The following C12orf60 variants were observed in gnomAD, a reference collection of about 807,000 sequenced individuals.
C12orf60 encodes the protein uncharacterized protein C12orf60.
For missense variants in C12orf60, 284 were observed against 283.2 expected (o/e 1.00, Z -0.02); for synonymous variants, 102 against 94.6 (o/e 1.08, Z -0.45).
intron 1 of C12orf60, among the ~76,000 whole-genome samples, chr12:14,819,313 T>C (rs1431502557): frequency 6.6e-6 from 1 of 152,178 alleles, no homozygotes; most frequent in African/African-American, 2.4e-5. Flanking sequence ...AAATGATACT[T>C]ATACAAATGA....
chr12:14,814,872 C>T (rs942060992), intron 1 of C12orf60, among the ~76,000 whole-genome samples: 9 of 152,180 alleles, frequency 5.9e-5, no homozygotes, highest in Non-Finnish European at 4.4e-5. Context: ...TAGTGAAAGA[C>T]AGCAGGCTTT....
At chr12:14,816,356 G>C (rs766718797) in intron 1 of C12orf60, among the ~76,000 whole-genome samples, 26 of 151,590 alleles carry the variant, frequency 1.7e-4, no homozygotes, top group Non-Finnish European at 3.4e-4. Flanking sequence ...TAAAATCTCT[G>C]CTCAAAAACC....
chr12:14,814,770 T>C (rs1950191471), intron 1 of C12orf60, among the ~76,000 whole-genome samples: 1 of 152,210 alleles, frequency 6.6e-6, no homozygotes, highest in Non-Finnish European at 1.5e-5. Context: ...TCTTCCCTGC[T>C]GCTTCTTCCC....
intron 1 of C12orf60, chr12:14,804,731 G>A (rs1950021639): frequency 6.6e-6 from 1 of 152,104 alleles, no homozygotes; most frequent in Non-Finnish European, 1.5e-5. Context: ...TTTGCAACTC[G>A]TTTTGAAAAA....
rs767087930 is a variant in C12orf60 at position 14,806,393 on chromosome 12, A to G, written c.-25+2642A>G. 48 of 1,614,082 alleles carry G rather than the reference A, an allele frequency of 3.0e-5. No homozygotes were observed. The South Asian group carries it at 3.7e-4, about 13-fold the overall frequency. On this transcript the variant is annotated intron_variant, in intron 1 of 1. Coordinates refer to ENST00000330828, the MANE Select transcript of C12orf60 (RefSeq NM_175874.4). ...TTTCCTTAATATCCTGAAGTTTTCT[A>G]TAGAGGGTTGGCTCTAGCTTATCTT...
intron 1 of C12orf60, chr12:14,806,046 G>T: frequency 1.2e-6 from 2 of 1,614,046 alleles, no homozygotes; most frequent in Non-Finnish European, 1.7e-6. Flanking sequence ...CTCAGTAATG[G>T]CATGATTATA....
At chr12:14,809,465 A>G (rs1349816194) in intron 1 of C12orf60, among the ~76,000 whole-genome samples, 2 of 152,220 alleles carry the variant, frequency 1.3e-5, no homozygotes, top group African/African-American at 4.8e-5. Context: ...TCAGTGAATT[A>G]ATGGAACAAA....
intron 1 of C12orf60, among the ~76,000 whole-genome samples, chr12:14,814,976 GTAATATGAGTATTAGTTAA>G (rs1216444039): frequency 1.3e-5 from 2 of 152,212 alleles, no homozygotes; most frequent in African/African-American, 4.8e-5. Flanking sequence ...TCCCATTGGT[GTAATATGAGTATTAGTTAA>G]TAATTTATGG....
chr12:14,805,049 G>C (rs1950027115), intron 1 of C12orf60: 2 of 152,178 alleles, frequency 1.3e-5, no homozygotes, highest in Non-Finnish European at 1.5e-5. Flanking sequence ...AGCCTTTGGC[G>C]TTTTCTAAAA....
chr12:14,819,296 G>A (rs1565422207), intron 1 of C12orf60, among the ~76,000 whole-genome samples: 5 of 152,030 alleles, frequency 3.3e-5, no homozygotes, highest in Admixed American at 2.6e-4. Flanking sequence ...TATTGAGAGA[G>A]TATTATAAAT....
At position 14,803,755 on chromosome 12, in the gene C12orf60, C is replaced by A; in HGVS notation, c.-25+4C>A. On this transcript the variant is annotated splice_donor_region_variant and intron_variant, in intron 1 of 1. Coordinates refer to ENST00000330828, the MANE Select transcript of C12orf60 (RefSeq NM_175874.4). ...TGACTTAGTTGCTGGGAGCCTGGTA[C>A]GTTGAGCCGTCCGAGAACGGTACAT... 2.8e-6 allele frequency: 1 copy of A among 355,964 alleles called. No homozygotes were observed. The highest frequency in any genetic ancestry group is 5.0e-6 in the Non-Finnish European group (1 of 199,608). The allele number at this position is 355,964 out of a possible 1,614,324, so 22.1% of individuals were successfully genotyped here. A position where few individuals can be genotyped will look rare whatever the true frequency, so the allele number is the denominator to read the frequency against.
intron 1 of C12orf60, among the ~76,000 whole-genome samples, chr12:14,820,437 T>C (rs543068997): frequency 1.9e-4 from 29 of 152,190 alleles, no homozygotes; most frequent in African/African-American, 7.0e-4. Context: ...GTTAAAATTA[T>C]TCATTTTATA....
intron 1 of C12orf60, among the ~76,000 whole-genome samples, chr12:14,811,006 A>G (rs1188308278): frequency 6.6e-6 from 1 of 152,208 alleles, no homozygotes; most frequent in East Asian, 1.9e-4. Context: ...TCTCCATCTT[A>G]TTCCATTTTC....
At chr12:14,810,842 C>T (rs1950125093) in intron 1 of C12orf60, among the ~76,000 whole-genome samples, 2 of 152,128 alleles carry the variant, frequency 1.3e-5, no homozygotes, top group Non-Finnish European at 2.9e-5. Flanking sequence ...TTCTGACTCC[C>T]AAAGTGATTA....
rs376169076 is a variant in C12orf60 at position 14,816,889 on chromosome 12, C to T, written c.-24-6023C>T. ...CCTCCCGAGTAGCTGGGATTACAGG[C>T]GTGTGCCACACCCAGCTAATTTTTG... On this transcript the variant is annotated intron_variant, in intron 1 of 1. Coordinates refer to ENST00000330828, the MANE Select transcript of C12orf60 (RefSeq NM_175874.4). 2.9e-3 allele frequency among the ~76,000 whole-genome samples: 446 copies of T among 152,014 alleles called. 3 individuals are homozygous for T. The highest frequency in any genetic ancestry group is 0.01 in the African/African-American group (435 of 41,458).
At chr12:14,812,182 C>T (rs1950150027) in intron 1 of C12orf60, among the ~76,000 whole-genome samples, 1 of 152,214 alleles carries the variant, frequency 6.6e-6, no homozygotes, top group Non-Finnish European at 1.5e-5. Flanking sequence ...TGGTGGCTCA[C>T]GCCTGTAATC....
In C12orf60 at chr12:14,823,413, G is replaced by C. The variant is rs1187787784; in HGVS notation, c.478G>C (p.Asp160His). The C allele has an allele frequency of 6.2e-7, 1 of 1,613,898 alleles. No homozygotes were observed. The highest frequency in any genetic ancestry group is 2.2e-5 in the East Asian group (1 of 44,880). The change falls in exon 2 of 2, where the codon GAC (aspartate) becomes CAC (histidine). Residue 160 changes from aspartate (D) to histidine (H), a missense_variant. Transcript: ENST00000330828. The part of the protein sequence containing the change: ...NLQLSDFYTE[D>H]TKEQSDVTTS... ...TCAATTAAGTGACTTCTATACAGAA[G>C]ACACCAAAGAGCAATCAGATGTCAC... is the stretch of plus-strand genomic sequence containing the variant.
chr12:14,814,813 C>T (rs777678864), intron 1 of C12orf60, among the ~76,000 whole-genome samples: 1 of 152,214 alleles, frequency 6.6e-6, no homozygotes, highest in Non-Finnish European at 1.5e-5. Flanking sequence ...AATTCCTCCA[C>T]AGCAAAGACA....
At chr12:14,815,817 C>G (rs2137275471) in intron 1 of C12orf60, among the ~76,000 whole-genome samples, 1 of 152,288 alleles carries the variant, frequency 6.6e-6, no homozygotes, top group South Asian at 2.1e-4. Context: ...CCACTTGTTC[C>G]TAAGGTGTTT....
Sources: gnomAD v4.1 joint callset for allele counts (sites outside exome capture counted in the v4.1 genomes callset) on GRCh38, gnomAD v4.1.1 for gene constraint, MANE v1.5 for transcripts, NCBI Gene and HGNC (gene_info 2026-07-23, HGNC 2026-07-21) for gene names.